VWA3B: variants seen among roughly 807,000 people sequenced by gnomAD.
VWA3B encodes von Willebrand factor A domain-containing protein 3B.
Under a neutral mutation model 158.3 loss-of-function variants are expected in VWA3B, and 138 were observed. The ratio of observed to expected loss-of-function variants is 0.87; its 90% confidence interval spans 0.76 to 1.00. The LOEUF is 1.00. Among genes scored for constraint, VWA3B ranks in the 50% least tolerant of loss-of-function variants. VWA3B has a pLI of 0.00. For synonymous variants in VWA3B, 596 were observed against 587.3 expected (o/e 1.01, Z -0.21); for missense variants, 1,555 against 1,565.1 (o/e 0.99, Z 0.11).
chr2:98,308,693 G>A (rs1292723028), intron 26 of VWA3B, among the ~76,000 whole-genome samples: 4 of 152,234 alleles, frequency 2.6e-5, no homozygotes, highest in Non-Finnish European at 5.9e-5. Context: ...GTTCTCCAGT[G>A]GAGAGAGGTG....
In VWA3B at chr2:98,194,424, C is replaced by T. The variant is rs200381249; in HGVS notation, c.1669C>T (p.Arg557Trp). 345 of 1,613,806 alleles carry T rather than the reference C, an allele frequency of 2.1e-4. No homozygotes were observed. Among genetic ancestry groups the T allele is most frequent in the Non-Finnish European group, 2.6e-4 (305 of 1,179,930 alleles). The change falls in exon 12 of 28, where the codon CGG (arginine) becomes TGG (tryptophan). Residue 557 changes from arginine (R) to tryptophan (W), a missense_variant. Coordinates refer to ENST00000477737, the MANE Select transcript of VWA3B (RefSeq NM_144992.5). ...VKFDGQAVAWREQLAEVNEDN... is the reference protein window; with the variant it reads ...VKFDGQAVAWWEQLAEVNEDN... ...GTTTGATGGTCAAGCAGTTGCTTGG[C>T]GGGAACAACTTGCTGAAGTCAATGA...
At chr2:98,261,569 G>C (rs77469904) in intron 21 of VWA3B, among the ~76,000 whole-genome samples, 2,144 of 151,662 alleles carry the variant, frequency 0.014, 56 homozygotes, top group African/African-American at 0.049. Context: ...GCTCTTTATA[G>C]CATTCCTTTT....
rs953845574 is a variant in VWA3B at position 98,199,783 on chromosome 2, T to G, written c.1737+5291T>G. Among the ~76,000 whole-genome samples the G allele has an allele frequency of 2.0e-5, 3 of 152,348 alleles. No individual in the cohort carries two copies. In the South Asian group the frequency reaches 6.2e-4, roughly 32 times the overall value. On this transcript the variant is annotated intron_variant, in intron 12 of 27. Coordinates refer to ENST00000477737, the MANE Select transcript of VWA3B (RefSeq NM_144992.5). Reference sequence around the variant, plus strand: ...AAACCAGAGCAGACAGCACGTCTGTTGCAAGATATGTAGAAATACATGAGA... The same window carrying G: ...AAACCAGAGCAGACAGCACGTCTGTGGCAAGATATGTAGAAATACATGAGA...
Position 98,298,081 on chromosome 2 carries a change from T to G in VWA3B, c.3282+50T>G, listed in dbSNP as rs191449419. 1,718 of 1,390,270 alleles carry G rather than the reference T, an allele frequency of 1.2e-3. 19 individuals are homozygous for G. In the African/African-American group the frequency reaches 0.022, roughly 18 times the overall value. 86.1% of individuals were successfully genotyped at this position (1,390,270 alleles called of 1,614,324 possible). A position where few individuals can be genotyped will look rare whatever the true frequency, so the allele number is the denominator to read the frequency against. ...GGGCCCCTTTTCACCATCCACAGAG[T>G]TTTGAATAACAGAACGCCAAGGCCA... On this transcript the variant is annotated intron_variant, in intron 24 of 27. Coordinates refer to ENST00000477737, the MANE Select transcript of VWA3B (RefSeq NM_144992.5).
At chr2:98,206,537 C>G in intron 12 of VWA3B, 1 of 499,354 alleles carries the variant, frequency 2.0e-6, no homozygotes, top group Admixed American at 2.3e-5. Context: ...TTCTGGTGCA[C>G]CAATCGAAAG....
chr2:98,328,732 A>T, the VWA3B span, among the ~76,000 whole-genome samples: 1 of 152,226 alleles, frequency 6.6e-6, no homozygotes, highest in Non-Finnish European at 1.5e-5. Context: ...GGGGGAAAAG[A>T]TCAACATTAT....
intron 19 of VWA3B, among the ~76,000 whole-genome samples, chr2:98,248,109 G>GT (rs1460533108): frequency 2.0e-5 from 3 of 150,618 alleles, no homozygotes; most frequent in Admixed American, 6.6e-5. Context: ...TTTTTTTCTG[G>GT]TTTTTTTTCC....
At chr2:98,233,420 A>G (rs1473762738) in intron 16 of VWA3B, among the ~76,000 whole-genome samples, 1 of 151,718 alleles carries the variant, frequency 6.6e-6, no homozygotes, top group South Asian at 2.1e-4. Flanking sequence ...GCTAAATTTC[A>G]TTTTCATTTG....
chr2:98,107,881 T>A (rs1442723764), intron 2 of VWA3B, among the ~76,000 whole-genome samples: 11 of 151,990 alleles, frequency 7.2e-5, no homozygotes, highest in Non-Finnish European at 1.3e-4. Flanking sequence ...CTTTGATCTT[T>A]ATTATTTATT....
Position 98,119,706 on chromosome 2 carries a change from C to T in VWA3B, c.485C>T (p.Ala162Val). 6.2e-7 allele frequency: 1 copy of T among 1,614,028 alleles called. No homozygotes were observed. Among genetic ancestry groups the T allele is most frequent in the Non-Finnish European group, 8.5e-7 (1 of 1,180,014 alleles). ...GGGGAGCTTGATCTGTGCCGAGAGG[C>T]TCTAACAATGGTTCTCCAGGAGCAG... ...LEGELDLCREALTMVLQEQVA... is the reference protein window; with the variant it reads ...LEGELDLCREVLTMVLQEQVA... Residue 162 changes from alanine (A) to valine (V), a missense_variant, in exon 4 of 28, where the codon GCT becomes GTT. Coordinates refer to ENST00000477737, the MANE Select transcript of VWA3B (RefSeq NM_144992.5).
intron 22 of VWA3B, among the ~76,000 whole-genome samples, chr2:98,275,316 G>A (rs1166099521): frequency 6.6e-6 from 1 of 152,224 alleles, no homozygotes; most frequent in Non-Finnish European, 1.5e-5. Flanking sequence ...ATACCCGTGG[G>A]GCACACAGGT....
the VWA3B span, among the ~76,000 whole-genome samples, chr2:98,325,597 G>A: frequency 2.4e-3 from 367 of 152,206 alleles, 1 homozygote; most frequent in African/African-American, 7.5e-3. Context: ...TGAGATGAAC[G>A]GGATCTGAAA....
At chr2:98,230,622 C>T (rs1685274742) in intron 16 of VWA3B, among the ~76,000 whole-genome samples, 1 of 152,108 alleles carries the variant, frequency 6.6e-6, no homozygotes, top group Admixed American at 6.5e-5. Flanking sequence ...AGAGTCCCAT[C>T]ACCTAGGGAA....
At chr2:98,249,188 A>G (rs909915884) in intron 19 of VWA3B, among the ~76,000 whole-genome samples, 1 of 152,092 alleles carries the variant, frequency 6.6e-6, no homozygotes. Flanking sequence ...TAATATATGG[A>G]ATATACCTTT....
At chr2:98,249,579 G>C (rs1306761583) in intron 19 of VWA3B, among the ~76,000 whole-genome samples, 2 of 152,164 alleles carry the variant, frequency 1.3e-5, no homozygotes, top group Non-Finnish European at 2.9e-5. Context: ...ACCAGAATTT[G>C]AAGTTCCACC....
intron 9 of VWA3B, among the ~76,000 whole-genome samples, chr2:98,186,779 T>G (rs1438243220): frequency 6.6e-6 from 1 of 152,126 alleles, no homozygotes; most frequent in Admixed American, 6.5e-5. Flanking sequence ...CCGTCCAGTC[T>G]GCTTTACAGA....
chr2:98,260,110 C>G (rs1393154756), intron 21 of VWA3B, among the ~76,000 whole-genome samples: 1 of 151,496 alleles, frequency 6.6e-6, no homozygotes, highest in Non-Finnish European at 1.5e-5. Flanking sequence ...GATTTTTGAC[C>G]ATTTAAATAT....
At chr2:98,315,229 A>AT (rs1691063479), downstream of VWA3B, among the ~76,000 whole-genome samples, 2 of 152,096 alleles carry the variant, frequency 1.3e-5, no homozygotes, top group Admixed American at 1.3e-4. Flanking sequence ...TGCACATTTG[A>AT]TTTTTTTGCT....
chr2:98,146,994 C>T (rs1049661768), intron 7 of VWA3B, among the ~76,000 whole-genome samples: 1 of 152,160 alleles, frequency 6.6e-6, no homozygotes, highest in African/African-American at 2.4e-5. Context: ...TGTTGCCACT[C>T]ATTTAAATAA....
Sources: allele counts gnomAD v4.1 joint callset (sites outside exome capture counted in the v4.1 genomes callset), GRCh38; gene constraint gnomAD v4.1.1; transcripts MANE v1.5; gene names NCBI Gene and HGNC (gene_info 2026-07-23, HGNC 2026-07-21).